CCBE1: variants seen among roughly 807,000 people sequenced by gnomAD.
The protein encoded by CCBE1 is collagen and calcium-binding EGF domain-containing protein 1.
CCBE1 carries 37 observed loss-of-function variants against 50.0 expected under a neutral mutation model. The ratio of observed to expected loss-of-function variants is 0.74; its 90% CI spans 0.57 to 0.97. CCBE1 has a LOEUF of 0.97. CCBE1 is among the 50% of genes least tolerant of loss of function. CCBE1 has a pLI of 0.00. For missense variants in CCBE1, 538 were observed against 523.8 expected (o/e 1.03, Z -0.26); for synonymous variants, 234 against 203.7 (o/e 1.15, Z -1.27).
chr18:59,563,995 G>A (rs988685759), intron 2 of CCBE1: 2 of 152,154 alleles, frequency 1.3e-5, no homozygotes, highest in African/African-American at 2.4e-5. Flanking sequence ...AACCTATGCT[G>A]AGTAGAAAGT....
intron 2 of CCBE1, among the ~76,000 whole-genome samples, chr18:59,693,864 CTTTTTTTTTTTT>C (rs11410421): frequency 1.7e-4 from 12 of 70,734 alleles, no homozygotes; most frequent in South Asian, 1.4e-3. Flanking sequence ...AAAGGAAAGC[CTTTTTTTTTTTT>C]TTTTTTTTTT....
intron 8 of CCBE1, 23 bp downstream of exon 8, chr18:59,439,654 T>C (rs900875490): frequency 1.2e-5 from 19 of 1,614,118 alleles, no homozygotes; most frequent in Non-Finnish European, 1.6e-5. Flanking sequence ...AAAAAGGAAG[T>C]GGATCTCTGA....
chr18:59,474,838 T>C (rs570182210), intron 3 of CCBE1, among the ~76,000 whole-genome samples: 1 of 152,326 alleles, frequency 6.6e-6, no homozygotes, highest in African/African-American at 2.4e-5. Context: ...TTGGTGTAAA[T>C]TGGGGTTGCT....
At chr18:59,471,660 C>T (rs1286661606) in intron 3 of CCBE1, among the ~76,000 whole-genome samples, 1 of 152,204 alleles carries the variant, frequency 6.6e-6, no homozygotes, top group African/African-American at 2.4e-5. Context: ...CTTCCATGGG[C>T]TACTTTGTGA....
At chr18:59,529,041 C>T (rs2144348152) in intron 2 of CCBE1, among the ~76,000 whole-genome samples, 1 of 152,348 alleles carries the variant, frequency 6.6e-6, no homozygotes, top group Non-Finnish European at 1.5e-5. Context: ...CTGGACTGCC[C>T]AGATTCCTCA....
intron 2 of CCBE1, among the ~76,000 whole-genome samples, chr18:59,694,545 C>T (rs1042947911): frequency 5.3e-5 from 8 of 152,198 alleles, no homozygotes; most frequent in African/African-American, 1.9e-4. Flanking sequence ...AGATTTTATG[C>T]ATCTCTCATT....
chr18:59,485,076 G>A (rs615847), intron 2 of CCBE1, among the ~76,000 whole-genome samples: 43,313 of 152,074 alleles, frequency 0.28, 6,244 homozygotes, highest in African/African-American at 0.3. Context: ...GTGGATTCTG[G>A]GGAGACAATC....
At chr18:59,507,977 G>A (rs1295655765) in intron 2 of CCBE1, among the ~76,000 whole-genome samples, 3 of 149,960 alleles carry the variant, frequency 2.0e-5, no homozygotes, top group Non-Finnish European at 4.4e-5. Flanking sequence ...TGCAACCTTC[G>A]CCTCCCGGGT....
intron 2 of CCBE1, among the ~76,000 whole-genome samples, chr18:59,615,441 G>C (rs2053623391): frequency 6.6e-6 from 1 of 151,664 alleles, no homozygotes; most frequent in Admixed American, 6.6e-5. Context: ...TCCCATTCCA[G>C]AGTCATTTCC....
chr18:59,492,317 G>A lies in CCBE1; in HGVS notation c.213-12079C>T, dbSNP rs140743174. On this transcript the variant is annotated intron_variant, in intron 2 of 10. Transcript: ENST00000439986. ...TTCAGGTCACTAGTGTGACAGAGCCGTTTTCCCATATCTGCTATTCCCTTT... is the reference window on the plus strand; with the variant it reads ...TTCAGGTCACTAGTGTGACAGAGCCATTTTCCCATATCTGCTATTCCCTTT... Among the ~76,000 whole-genome samples the A allele has an allele frequency of 1.6e-3, 246 of 152,008 alleles. 2 individuals are homozygous for A. Among genetic ancestry groups the A allele is most frequent in the Middle Eastern group, 3.4e-3 (1 of 294 alleles).
At chr18:59,680,708 AG>A in intron 2 of CCBE1, among the ~76,000 whole-genome samples, 1 of 151,952 alleles carries the variant, frequency 6.6e-6, no homozygotes, top group African/African-American at 2.4e-5. Flanking sequence ...CAAAAAAAAA[AG>A]AAAAAACAAA....
chr18:59,544,858 A>G (rs1459158175), intron 2 of CCBE1, among the ~76,000 whole-genome samples: 1 of 152,226 alleles, frequency 6.6e-6, no homozygotes, highest in Non-Finnish European at 1.5e-5. Flanking sequence ...AGGGAATGCA[A>G]TGAGTAGTTG....
rs1460733970 is a variant in CCBE1 at position 59,664,246 on chromosome 18, A to AC, written c.212+32382dup. ...CTGATGACCTAATCACCTCCCACAG[A>AC]CCCCACCTAATCCCATCACCTTAGA... is the stretch of plus-strand genomic sequence containing the variant. On this transcript the variant is annotated intron_variant, in intron 2 of 10. Coordinates refer to ENST00000439986, the MANE Select transcript of CCBE1 (RefSeq NM_133459.4). Among the ~76,000 whole-genome samples the AC allele has an allele frequency of 5.9e-5, 9 of 151,906 alleles. 1 individual carries two copies. The highest frequency in any genetic ancestry group is 3.9e-4 in the Admixed American group (6 of 15,248).
At chr18:59,607,348 G>T (rs977726026) in intron 2 of CCBE1, among the ~76,000 whole-genome samples, 1 of 152,150 alleles carries the variant, frequency 6.6e-6, no homozygotes, top group Non-Finnish European at 1.5e-5. Flanking sequence ...CAGTTTATGG[G>T]TGGATGATTC....
chr18:59,495,650 A>G (rs1368697333), intron 2 of CCBE1, among the ~76,000 whole-genome samples: 2 of 149,284 alleles, frequency 1.3e-5, no homozygotes, highest in African/African-American at 5.0e-5. Flanking sequence ...GTCATTCCAC[A>G]CATTGGTATA....
At chr18:59,487,750 CTGA>C (rs1280014682) in intron 2 of CCBE1, among the ~76,000 whole-genome samples, 9 of 152,270 alleles carry the variant, frequency 5.9e-5, no homozygotes, top group African/African-American at 1.9e-4. Flanking sequence ...CGTACAATTA[CTGA>C]TGGTCAAGAT....
rs569622851 is a variant in CCBE1 at position 59,535,981 on chromosome 18, C to T, written c.213-55743G>A. Among the ~76,000 whole-genome samples, 504 of 152,296 alleles carry T rather than the reference C, an allele frequency of 3.3e-3. 1 individual carries two copies. The highest frequency in any genetic ancestry group is 4.1e-3 in the Non-Finnish European group (277 of 68,020). On this transcript the variant is annotated intron_variant, in intron 2 of 10. Transcript: ENST00000439986. ...TGGATTACAGGCACAAGCCACGGTG[C>T]CTGGCTGGTGTGTAATTCTATGAGG... is the stretch of plus-strand genomic sequence containing the variant.
chr18:59,690,728 G>C (rs189742818), intron 2 of CCBE1, among the ~76,000 whole-genome samples: 27 of 152,190 alleles, frequency 1.8e-4, no homozygotes, highest in African/African-American at 6.0e-4. Flanking sequence ...CAATTACTCC[G>C]TATTGTTTCT....
chr18:59,599,066 G>A (rs752582562), intron 2 of CCBE1, among the ~76,000 whole-genome samples: 8 of 152,080 alleles, frequency 5.3e-5, no homozygotes, highest in Admixed American at 2.0e-4. Context: ...TCCCTTCTTC[G>A]TTAATCAACC....
Sources: allele counts gnomAD v4.1 joint callset (sites outside exome capture counted in the v4.1 genomes callset), GRCh38; gene constraint gnomAD v4.1.1; transcripts MANE v1.5; gene names NCBI Gene and HGNC (gene_info 2026-07-23, HGNC 2026-07-21).